The following EXOC2 variants were observed in gnomAD, a reference collection of about 807,000 sequenced individuals.
EXOC2 encodes SEC5-like 1.
EXOC2 carries 70 observed loss-of-function variants against 131.8 expected under a neutral mutation model. The observed-to-expected ratio is 0.53, with a 90% CI of 0.44 to 0.65. The LOEUF (loss-of-function observed/expected upper bound fraction) is 0.65. Among genes scored for constraint, EXOC2 ranks in the 30% least tolerant of loss-of-function variants. The probability of loss-of-function intolerance (pLI) is 0.00; values close to 1 mark genes in which losing one functional copy is unlikely to be tolerated. For synonymous variants in EXOC2, 411 were observed against 398.4 expected (o/e 1.03, Z -0.38); for missense variants, 923 against 1,108.6 (o/e 0.83, Z 2.38).
At chr6:666,746 A>G (rs1189491950) in intron 1 of EXOC2, among the ~76,000 whole-genome samples, 1 of 97,262 alleles carries the variant, frequency 1.0e-5, no homozygotes, top group African/African-American at 3.1e-5. Context: ...GGTACATTCT[A>G]TGAGTTTTGA....
intron 21 of EXOC2, among the ~76,000 whole-genome samples, chr6:551,121 T>G (rs947732456): frequency 1.2e-4 from 18 of 152,358 alleles, no homozygotes; most frequent in African/African-American, 3.6e-4. Context: ...ACAACTAAGA[T>G]GGAGACGCAC....
At chr6:689,823 A>T (rs1252645710) in intron 1 of EXOC2, among the ~76,000 whole-genome samples, 1 of 152,210 alleles carries the variant, frequency 6.6e-6, no homozygotes, top group Non-Finnish European at 1.5e-5. Context: ...CTAACACAAC[A>T]CAAGTGCTAT....
intron 14 of EXOC2, 65 bp from the exon 15 acceptor site, chr6:564,767 G>C (rs978667564): frequency 1.3e-6 from 2 of 1,574,146 alleles, no homozygotes; most frequent in Non-Finnish European, 1.7e-6. Flanking sequence ...TTAACTAAAA[G>C]ATGCTGCCTG....
chr6:499,835 G>C, intron 23 of EXOC2, 135 bp from the exon 24 acceptor site: 1 of 656,386 alleles, frequency 1.5e-6, no homozygotes, highest in South Asian at 2.0e-5. Context: ...ATTTCCTTTT[G>C]AGAATCAAAT....
In EXOC2 at chr6:535,112, T is replaced by C. The variant is rs539577689; in HGVS notation, c.2239-2502A>G. Among the ~76,000 whole-genome samples the C allele has an allele frequency of 4.6e-5, 7 of 151,624 alleles. No individual in the cohort carries two copies. In the South Asian group the frequency reaches 1.5e-3, roughly 32 times the overall value. On this transcript the variant is annotated intron_variant, in intron 22 of 27. Coordinates refer to ENST00000230449, the MANE Select transcript of EXOC2 (RefSeq NM_018303.6). ...AAGAGAAAATTAAACCCAAAGAAAATAGAAGGAAAAGATAAAGAACAGAAA... is the reference window on the plus strand; with the variant it reads ...AAGAGAAAATTAAACCCAAAGAAAACAGAAGGAAAAGATAAAGAACAGAAA...
At chr6:588,594 C>T (rs1353372755) in intron 11 of EXOC2, among the ~76,000 whole-genome samples, 1 of 152,208 alleles carries the variant, frequency 6.6e-6, no homozygotes, top group Admixed American at 6.5e-5. Context: ...ACCTTGTGAT[C>T]CGCCCGCCTC....
At chr6:491,337 T>A in intron 25 of EXOC2, 151 bp from the exon 26 acceptor site, 1 of 705,252 alleles carries the variant, frequency 1.4e-6, no homozygotes, top group Non-Finnish European at 2.4e-6. Flanking sequence ...GTAGAGTTTC[T>A]AAAACAGTCC....
At chr6:528,089 C>A (rs1405896424) in intron 23 of EXOC2, among the ~76,000 whole-genome samples, 1 of 152,084 alleles carries the variant, frequency 6.6e-6, no homozygotes, top group East Asian at 1.9e-4. Context: ...CTAGAATAAT[C>A]TTTACTGACA....
intron 7 of EXOC2, among the ~76,000 whole-genome samples, chr6:608,757 A>G (rs2127660334): frequency 6.6e-6 from 1 of 152,326 alleles, no homozygotes; most frequent in South Asian, 2.1e-4. Flanking sequence ...ACCATCATAT[A>G]CTTACTATGT....
intron 21 of EXOC2, among the ~76,000 whole-genome samples, chr6:551,574 G>A (rs1757145385): frequency 6.6e-6 from 1 of 152,162 alleles, no homozygotes; most frequent in Non-Finnish European, 1.5e-5. Context: ...CCACCCACTG[G>A]AAGAGGCACA....
intron 1 of EXOC2, among the ~76,000 whole-genome samples, chr6:663,175 C>T (rs1350147589): frequency 6.6e-6 from 1 of 152,124 alleles, no homozygotes; most frequent in Non-Finnish European, 1.5e-5. Context: ...CACCTTTACA[C>T]ACATAAATTA....
At chr6:673,131 G>A (rs574428303) in intron 1 of EXOC2, among the ~76,000 whole-genome samples, 10 of 151,468 alleles carry the variant, frequency 6.6e-5, no homozygotes, top group East Asian at 1.9e-4. Flanking sequence ...GCGTGGTGGC[G>A]GGCACCTGGG....
intron 6 of EXOC2, among the ~76,000 whole-genome samples, chr6:614,273 T>C (rs1760870565): frequency 6.6e-6 from 1 of 152,092 alleles, no homozygotes. Context: ...AAGATTGAAG[T>C]CGGCCTTGAC....
chr6:518,655 A>G (rs961947373), intron 23 of EXOC2, among the ~76,000 whole-genome samples: 9 of 152,208 alleles, frequency 5.9e-5, no homozygotes, highest in Admixed American at 6.5e-5. Flanking sequence ...AAAGCATTGG[A>G]CAAATGGTTT....
At chr6:539,551 T>C (rs1401207393) in intron 22 of EXOC2, among the ~76,000 whole-genome samples, 2 of 152,234 alleles carry the variant, frequency 1.3e-5, no homozygotes, top group African/African-American at 4.8e-5. Context: ...CCTAAGTCGA[T>C]TGTCAAATTT....
At chr6:533,403 C>A (rs1257722082) in intron 22 of EXOC2, among the ~76,000 whole-genome samples, 1 of 152,156 alleles carries the variant, frequency 6.6e-6, no homozygotes, top group Non-Finnish European at 1.5e-5. Context: ...CTCTGACACT[C>A]CAGTAACCCC....
At chr6:511,947 C>T (rs1487562135) in intron 23 of EXOC2, among the ~76,000 whole-genome samples, 2 of 152,248 alleles carry the variant, frequency 1.3e-5, no homozygotes, top group Non-Finnish European at 2.9e-5. Flanking sequence ...TGTGCAGATG[C>T]TTTATCCAAA....
chr6:670,730 C>T (rs1026043675), intron 1 of EXOC2, among the ~76,000 whole-genome samples: 10 of 152,124 alleles, frequency 6.6e-5, no homozygotes, highest in African/African-American at 2.4e-4. Flanking sequence ...TGCCACAACT[C>T]GCATCACATA....
At chr6:685,869 C>CTTTTTTTTTTTTTTTTTT (rs58892194) in intron 1 of EXOC2, among the ~76,000 whole-genome samples, 6 of 98,240 alleles carry the variant, frequency 6.1e-5, no homozygotes, top group Admixed American at 2.2e-4. Context: ...TCCTGGACCT[C>CTTTTTTTTTTTTTTTTTT]TTTTTTTTTT....
Sources: gnomAD v4.1 joint callset for allele counts (sites outside exome capture counted in the v4.1 genomes callset) on GRCh38, gnomAD v4.1.1 for gene constraint, MANE v1.5 for transcripts, NCBI Gene and HGNC (gene_info 2026-07-23, HGNC 2026-07-21) for gene names.